TRPV6: variants seen among roughly 807,000 people sequenced by gnomAD.
TRPV6 encodes transient receptor potential cation channel subfamily V member 6, also known as Alu-binding protein with zinc finger domain.
Under a neutral mutation model 79.0 loss-of-function variants are expected in TRPV6, and 39 were observed. The ratio of observed to expected loss-of-function variants is 0.49; its 90% confidence interval spans 0.38 to 0.64. The LOEUF is 0.64. TRPV6 is among the 30% of genes least tolerant of loss of function. The pLI, the probability that TRPV6 is intolerant of heterozygous loss-of-function variation, is 0.00. For missense variants in TRPV6, 813 were observed against 1,011.1 expected, an observed-to-expected ratio of 0.80 and a Z score of 2.66; for synonymous variants, 373 against 391.9, an observed-to-expected ratio of 0.95 and a Z score of 0.57.
chr7:142,878,857 T>C (rs1048778376), intron 1 of TRPV6: 2 of 152,212 alleles, frequency 1.3e-5, no homozygotes, highest in Non-Finnish European at 2.9e-5. Flanking sequence ...TTCCACCTAG[T>C]GAATCCAAAT....
chr7:142,883,048 G>C (rs188856471), intron 1 of TRPV6: 2 of 152,104 alleles, frequency 1.3e-5, no homozygotes. Flanking sequence ...CTTTAGCCCC[G>C]TATGTGCCTT....
intron 1 of TRPV6, chr7:142,881,057 C>G (rs1274190069): frequency 1.3e-5 from 2 of 152,104 alleles, no homozygotes; most frequent in African/African-American, 4.8e-5. Flanking sequence ...AGGTATCCGG[C>G]CCAGCCATTA....
At position 142,876,237 on chromosome 7, in the gene TRPV6, G is replaced by A. The variant is rs1265749255; in HGVS notation, c.882+171C>T. On this transcript the variant is annotated intron_variant, in intron 6 of 14. Transcript: ENST00000359396. ...AACCCCCAATGCCTCAGGGGAAAAG[G>A]AGTGGGCAAGAAAGGGAACAGGTAA... 6.0e-6 allele frequency: 6 copies of A among 999,018 alleles called. No homozygotes were observed. The South Asian group carries it at 1.0e-4, about 17-fold the overall frequency. The allele number at this position is 999,018 out of a possible 1,614,324, so 61.9% of individuals were successfully genotyped here.
intron 1 of TRPV6, chr7:142,883,839 A>G (rs1293977755): frequency 6.6e-6 from 1 of 152,238 alleles, no homozygotes; most frequent in African/African-American, 2.4e-5. Flanking sequence ...CAGTAAGGAG[A>G]TCAGGGCAGG....
In TRPV6 at chr7:142,876,467, C is replaced by T. The variant is rs768664560; in HGVS notation, c.823G>A (p.Val275Met). Residue 275 changes from valine to methionine, a missense_variant, in exon 6 of 15, where the codon GTG becomes ATG. Val to Met is a conservative substitution (Grantham distance 21, BLOSUM62 1). This residue lies in a region of TRPV6 where 555 missense variants were observed against 631.0 expected (regional missense o/e 0.88). Coordinates refer to ENST00000359396, the MANE Select transcript of TRPV6 (RefSeq NM_018646.6). The stretch of plus-strand genomic sequence containing the variant: ...GGGGTGAGACCCTGGTGATTGGGCA[C>T]GAGGTCCAGGGGCTGCAGGTGGTCC... The T allele has an allele frequency of 1.5e-5, 24 of 1,614,012 alleles. No homozygotes were observed. Among genetic ancestry groups the T allele is most frequent in the Middle Eastern group, 3.3e-4 (2 of 6,084 alleles).
chr7:142,881,286 A>AGG (rs1314758841), intron 1 of TRPV6: 2 of 152,184 alleles, frequency 1.3e-5, no homozygotes, highest in Non-Finnish European at 2.9e-5. Context: ...GGTCAAAGGC[A>AGG]GGGACACGGC....
At chr7:142,877,037 C>T in intron 4 of TRPV6, 105 bp downstream of exon 4, 2 of 1,484,966 alleles carry the variant, frequency 1.3e-6, no homozygotes, top group Non-Finnish European at 1.8e-6. Flanking sequence ...CTCCTCCCAG[C>T]TGCCCAACAG....
Position 142,875,138 on chromosome 7 carries a change from A to G in TRPV6, c.1269T>C (p.Asp423=), listed in dbSNP as rs1795031156. 1.9e-6 allele frequency: 3 copies of G among 1,614,126 alleles called. No individual in the cohort carries two copies. Among genetic ancestry groups the G allele is most frequent in the South Asian group, 1.1e-5 (1 of 91,076 alleles). ...TCACCAGCTCCCCGACCAGCCGGAT[A>G]TCGTCCTTAGGGGTCATGTAGGCTT... The change falls in exon 9 of 15, where the codon GAT becomes GAC. Residue 423 remains aspartate (D), a synonymous_variant. Transcript: ENST00000359396.
At chr7:142,876,615 T>A in intron 5 of TRPV6, 32 bp from the exon 6 acceptor site, 1 of 1,613,098 alleles carries the variant, frequency 6.2e-7, no homozygotes, top group Non-Finnish European at 8.5e-7. Context: ...ATGTGGCCAC[T>A]GGCCTAAAGT....
At position 142,871,744 on chromosome 7, in the gene TRPV6, C is replaced by A; in HGVS notation, c.2261G>T (p.Gly754Val). The A allele has an allele frequency of 6.2e-7, 1 of 1,612,922 alleles. No homozygotes were observed. ...TTCCCAGCTCTCCCCGTCCTCCAGA[C>A]CCCTGTTGATTATCCCACGCAGGTC... Residue 754 changes from glycine (G) to valine (V), a missense_variant, in exon 15 of 15, where the codon GGT (glycine) becomes GTT (valine). This residue lies in a region of TRPV6 where 164 missense variants were observed against 186.1 expected (regional missense o/e 0.88). Coordinates refer to ENST00000359396, the MANE Select transcript of TRPV6 (RefSeq NM_018646.6).
At chr7:142,876,998 T>C in intron 4 of TRPV6, 144 bp downstream of exon 4, 2 of 1,444,534 alleles carry the variant, frequency 1.4e-6, no homozygotes, top group East Asian at 5.0e-5. Context: ...TAAATTGGCC[T>C]CTAGTCTAAT....
chr7:142,872,516 C>A, intron 13 of TRPV6, 38 bp from the exon 14 acceptor site: 1 of 1,587,252 alleles, frequency 6.3e-7, no homozygotes, highest in Non-Finnish European at 8.6e-7. Context: ...AGAGATGAGG[C>A]TGGGCGCAGA....
rs757683402 is a variant in TRPV6 at position 142,876,513 on chromosome 7, C to A, written c.777G>T (p.Leu259Phe). 6 of 1,614,048 alleles carry A rather than the reference C, an allele frequency of 3.7e-6. No individual in the cohort carries two copies. The highest frequency in any genetic ancestry group is 4.2e-6 in the Non-Finnish European group (5 of 1,180,030). The change falls in exon 6 of 15, where the codon TTG (leucine) becomes TTT (phenylalanine). Residue 259 changes from leucine to phenylalanine, a missense_variant. Physicochemically the swap from Leu to Phe is conservative, Grantham distance 22. This residue lies in a region of TRPV6 where 555 missense variants were observed against 631.0 expected (regional missense o/e 0.88). Coordinates refer to ENST00000359396, the MANE Select transcript of TRPV6 (RefSeq NM_018646.6). ...GGTCCCCATGTCTGTCGTAGGACAG[C>A]AACAGGTTGTACATCTGGCAGGCAA...
Position 142,885,527 on chromosome 7 carries a change from G to A in TRPV6, c.110C>T (p.Ala37Val). ...CAGTGACAAACCCATGGGGTGTAGG[G>A]CCGGCTCCTTGGGGGCCTGAGGCCG... Residue 37 changes from alanine to valine, a missense_variant, in exon 1 of 15, where the codon GCC (alanine) becomes GTC (valine). Ala to Val is a moderately conservative substitution (Grantham distance 64, BLOSUM62 0). Coordinates refer to ENST00000359396, the MANE Select transcript of TRPV6 (RefSeq NM_018646.6). The A allele has an allele frequency of 1.2e-6, 2 of 1,600,974 alleles. No individual in the cohort carries two copies. Among genetic ancestry groups the A allele is most frequent in the Non-Finnish European group, 1.7e-6 (2 of 1,172,522 alleles).
Position 142,874,583 on chromosome 7 carries a change from T to C in TRPV6, c.1480A>G (p.Met494Val), listed in dbSNP as rs200554107. Residue 494 changes from methionine to valine, a missense_variant, in exon 11 of 15, where the codon ATG becomes GTG. By Grantham distance (21) the Met-to-Val change is conservative. Transcript: ENST00000359396. ...CAGCCCAGCACGAGTGCAAAGGACA[T>C]GGGTACCACCTCCCCGCTGGCACTG... is the stretch of plus-strand genomic sequence containing the variant. 83 of 1,613,838 alleles carry C rather than the reference T, an allele frequency of 5.1e-5. No individual in the cohort carries two copies. Among genetic ancestry groups the C allele is most frequent in the Non-Finnish European group, 2.5e-6 (3 of 1,179,992 alleles).
At position 142,876,484 on chromosome 7, in the gene TRPV6, A is replaced by T. The variant is rs1280466870; in HGVS notation, c.806T>A (p.Leu269Gln). The change falls in exon 6 of 15, where the codon CTG becomes CAG. Residue 269 changes from leucine (L) to glutamine (Q), a missense_variant. Physicochemically the swap from Leu to Gln is moderately radical, Grantham distance 113. This residue lies in a region of TRPV6 where 555 missense variants were observed against 631.0 expected (regional missense o/e 0.88). Coordinates refer to ENST00000359396, the MANE Select transcript of TRPV6 (RefSeq NM_018646.6). ...ATTGGGCACGAGGTCCAGGGGCTGC[A>T]GGTGGTCCCCATGTCTGTCGTAGGA... The T allele has an allele frequency of 3.1e-6, 5 of 1,614,172 alleles. No homozygotes were observed. The highest frequency in any genetic ancestry group is 4.2e-6 in the Non-Finnish European group (5 of 1,180,014).
intron 1 of TRPV6, chr7:142,881,588 A>C (rs1046313090): frequency 6.6e-6 from 1 of 152,226 alleles, no homozygotes; most frequent in Non-Finnish European, 1.5e-5. Flanking sequence ...AACTGTAACA[A>C]TATGAAAGGT....
chr7:142,876,809 A>T lies in TRPV6; in HGVS notation c.636T>A (p.Cys212Ter), dbSNP rs761207458. The change falls in exon 5 of 15, where the codon TGT becomes TGA. Residue 212 changes from cysteine (C) to a stop codon, truncating the protein, a stop_gained. Coordinates refer to ENST00000359396, the MANE Select transcript of TRPV6 (RefSeq NM_018646.6). LOFTEE classifies it high-confidence loss of function. ...GCCGCACGATCTCCTCACTGTTCACACAGGCAGCAAAGGACAAAGGGTGCT... is the reference window on the plus strand; with the variant it reads ...GCCGCACGATCTCCTCACTGTTCACTCAGGCAGCAAAGGACAAAGGGTGCT... 1 of 1,614,012 alleles carries T rather than the reference A, an allele frequency of 6.2e-7. No individual in the cohort carries two copies. Among genetic ancestry groups the T allele is most frequent in the Non-Finnish European group, 8.5e-7 (1 of 1,180,016 alleles).
intron 13 of TRPV6, 22 bp from the exon 14 acceptor site, chr7:142,872,500 G>A (rs370307100): frequency 1.8e-5 from 29 of 1,603,416 alleles, no homozygotes; most frequent in Admixed American, 5.1e-5. Flanking sequence ...AACAAAAGGA[G>A]AAGTCAGAGA....
Sources: allele counts gnomAD v4.1 joint callset, GRCh38; gene constraint gnomAD v4.1.1; regional missense constraint gnomAD v4.1.1; transcripts MANE v1.5; gene names NCBI Gene and HGNC (gene_info 2026-07-23, HGNC 2026-07-21).